RNGTT: variants seen among roughly 807,000 people sequenced by gnomAD.
The protein encoded by RNGTT is mRNA-capping enzyme.
In RNGTT, 33 loss-of-function variants were observed where a neutral mutation model predicts 79.3. That is an observed-to-expected ratio of 0.42 (90% CI 0.32 to 0.56). The LOEUF (loss-of-function observed/expected upper bound fraction) is 0.56. Ranked by LOEUF, RNGTT falls within the 20% of genes least tolerant of loss-of-function variation. The pLI is 0.17. For missense variants in RNGTT, 497 were observed against 739.1 expected, an observed-to-expected ratio of 0.67 and a Z score of 3.80; for synonymous variants, 222 against 235.9, an observed-to-expected ratio of 0.94 and a Z score of 0.54.
rs1771996313 is a variant in RNGTT, at chr6:88,610,854, T to C, written c.*1865A>G. ...TGCTTTCGTATCTGCAAAAGGGCTC[T>C]GCCTTTCCACAGGCTCGGAGGGAAA... is the stretch of plus-strand genomic sequence containing the variant. On this transcript the variant is annotated 3_prime_UTR_variant, in exon 16 of 16. Coordinates refer to ENST00000369485, the MANE Select transcript of RNGTT (RefSeq NM_003800.5). The C allele has an allele frequency of 6.6e-6, 1 of 152,250 alleles. No individual in the cohort carries two copies. The highest frequency in any genetic ancestry group is 1.5e-5 in the Non-Finnish European group (1 of 68,046). The allele number at this position is 152,250 out of a possible 1,614,324, so 9.4% of individuals were successfully genotyped here. A position where few individuals can be genotyped will look rare whatever the true frequency, so the allele number is the denominator to read the frequency against.
chr6:88,800,612 A>T (rs1409122568), intron 12 of RNGTT, among the ~76,000 whole-genome samples: 6 of 152,226 alleles, frequency 3.9e-5, no homozygotes, highest in Admixed American at 2.6e-4. Context: ...ATACTTGAAC[A>T]TGCATTAGAA....
intron 13 of RNGTT, among the ~76,000 whole-genome samples, chr6:88,756,673 T>C (rs1778027358): frequency 6.6e-6 from 1 of 152,192 alleles, no homozygotes; most frequent in Non-Finnish European, 1.5e-5. Flanking sequence ...AGTTTGATGC[T>C]TGAAAATAAT....
intron 14 of RNGTT, among the ~76,000 whole-genome samples, chr6:88,666,149 T>TG (rs1359877523): frequency 6.6e-6 from 1 of 152,158 alleles, no homozygotes; most frequent in Non-Finnish European, 1.5e-5. Flanking sequence ...ACCATTTGAA[T>TG]GGGGGTCCCA....
At chr6:88,770,326 C>T (rs1778609078) in intron 12 of RNGTT, among the ~76,000 whole-genome samples, 1 of 152,132 alleles carries the variant, frequency 6.6e-6, no homozygotes, top group African/African-American at 2.4e-5. Flanking sequence ...CAGTCAATTC[C>T]CTCCGTCAGC....
At chr6:88,846,144 G>A (rs370115074) in intron 10 of RNGTT, among the ~76,000 whole-genome samples, 1 of 152,094 alleles carries the variant, frequency 6.6e-6, no homozygotes, top group East Asian at 1.9e-4. Flanking sequence ...CAATGCCTAT[G>A]GGCAAAGTTA....
intron 1 of RNGTT, among the ~76,000 whole-genome samples, chr6:88,956,614 T>C (rs1340812172): frequency 6.6e-6 from 1 of 152,180 alleles, no homozygotes; most frequent in East Asian, 1.9e-4. Context: ...CCAATATCCC[T>C]GATGAACATA....
chr6:88,696,785 T>C (rs1462817113), intron 13 of RNGTT, among the ~76,000 whole-genome samples: 3 of 152,194 alleles, frequency 2.0e-5, no homozygotes, highest in Non-Finnish European at 4.4e-5. Flanking sequence ...AAATTGACTA[T>C]GGAGTTTTCC....
At chr6:88,801,533 C>A in intron 12 of RNGTT, 31 bp downstream of exon 12, 2 of 1,550,468 alleles carry the variant, frequency 1.3e-6, no homozygotes, top group Middle Eastern at 3.4e-4. Context: ...AACACACAAA[C>A]GAACACACAC....
intron 6 of RNGTT, among the ~76,000 whole-genome samples, chr6:88,902,895 CAT>C (rs1194993797): frequency 6.6e-6 from 1 of 151,824 alleles, no homozygotes; most frequent in East Asian, 1.9e-4. Context: ...CGGGGTTTCA[CAT>C]GTTAGCCAGG....
At position 88,698,730 on chromosome 6, in the gene RNGTT, T is replaced by A. The variant is rs566724985; in HGVS notation, c.1440-20311A>T. On this transcript the variant is annotated intron_variant, in intron 13 of 15. Transcript: ENST00000369485. ...TATATTGTCAGTCTTAAGTTTTTTG[T>A]TTATAAATAACTACACTTATCCTAG... Among the ~76,000 whole-genome samples, 16 of 152,298 alleles carry A rather than the reference T, an allele frequency of 1.1e-4. No individual in the cohort carries two copies. In the South Asian group the frequency reaches 2.5e-3, roughly 24 times the overall value.
chr6:88,753,850 G>A (rs2127831821), intron 13 of RNGTT, among the ~76,000 whole-genome samples: 1 of 152,168 alleles, frequency 6.6e-6, no homozygotes, highest in Middle Eastern at 3.4e-3. Context: ...ACTAGGGACA[G>A]GGTTTCACTC....
At chr6:88,760,888 T>TTC (rs201733038) in intron 13 of RNGTT, among the ~76,000 whole-genome samples, 10 of 147,930 alleles carry the variant, frequency 6.8e-5, no homozygotes, top group African/African-American at 2.0e-4. Context: ...TTTTTTTTTT[T>TTC]CCCAGAGATG....
chr6:88,782,517 A>C (rs1360986053), intron 12 of RNGTT, among the ~76,000 whole-genome samples: 1 of 150,930 alleles, frequency 6.6e-6, no homozygotes, highest in Non-Finnish European at 1.5e-5. Flanking sequence ...ATAACACCAA[A>C]AGCACAGGCA....
At chr6:88,769,936 A>T (rs569130299) in intron 12 of RNGTT, 62 bp from the exon 13 acceptor site, 2 of 1,090,758 alleles carry the variant, frequency 1.8e-6, no homozygotes, top group South Asian at 3.0e-5. Flanking sequence ...CATTCAATGT[A>T]TTAAACCTAA....
chr6:88,784,704 A>C (rs1779171943), intron 12 of RNGTT, among the ~76,000 whole-genome samples: 1 of 152,146 alleles, frequency 6.6e-6, no homozygotes, highest in African/African-American at 2.4e-5. Flanking sequence ...TTCCTTCTAA[A>C]ATGTGGAATT....
chr6:88,919,343 G>A (rs1351890387), intron 4 of RNGTT, among the ~76,000 whole-genome samples: 1 of 152,148 alleles, frequency 6.6e-6, no homozygotes, highest in Non-Finnish European at 1.5e-5. Context: ...TGAAATAAAT[G>A]TATATGGCAT....
chr6:88,896,786 C>T (rs1783264523), intron 6 of RNGTT, among the ~76,000 whole-genome samples: 1 of 152,072 alleles, frequency 6.6e-6, no homozygotes, highest in South Asian at 2.1e-4. Context: ...AAGATATTGC[C>T]CTACATTCAT....
chr6:88,830,324 TAAATAATG>T (rs1367269107), intron 11 of RNGTT, among the ~76,000 whole-genome samples: 9 of 151,838 alleles, frequency 5.9e-5, no homozygotes, highest in African/African-American at 9.7e-5. Context: ...AAGGAAGAAA[TAAATAATG>T]AAATAATGAA....
chr6:88,754,869 T>C (rs1011546005), intron 13 of RNGTT, among the ~76,000 whole-genome samples: 3 of 152,256 alleles, frequency 2.0e-5, no homozygotes, highest in Admixed American at 6.5e-5. Context: ...GGAATACTTT[T>C]AGTTAATCTA....
Sources: gnomAD v4.1 joint callset for allele counts (sites outside exome capture counted in the v4.1 genomes callset) on GRCh38, gnomAD v4.1.1 for gene constraint, MANE v1.5 for transcripts, NCBI Gene and HGNC (gene_info 2026-07-23, HGNC 2026-07-21) for gene names.